Variants in RICTOR observed in about 807,000 individuals in gnomAD.
RICTOR encodes the protein rapamycin-insensitive companion of mTOR.
A neutral mutation model predicts 214.9 loss-of-function variants in RICTOR; 49 were observed. That is an observed-to-expected ratio of 0.23 (90% CI 0.18 to 0.29). The LOEUF (loss-of-function observed/expected upper bound fraction) is 0.29. Among genes scored for constraint, RICTOR ranks in the 10% least tolerant of loss-of-function variants. The pLI is 1.00. For missense variants in RICTOR, 1,625 were observed against 2,047.0 expected (o/e 0.79, Z 3.98); for synonymous variants, 717 against 711.3 (o/e 1.01, Z -0.13).
chr5:38,989,998 T>G (rs567426516), intron 7 of RICTOR, among the ~76,000 whole-genome samples: 1 of 152,082 alleles, frequency 6.6e-6, no homozygotes, highest in Non-Finnish European at 1.5e-5. Context: ...ATCTCATTAC[T>G]GGGTATATTT....
At position 38,962,373 on chromosome 5, in the gene RICTOR, T is replaced by C. The variant is rs999787103; in HGVS notation, c.1669-12A>G. The C allele has an allele frequency of 7.7e-7, 1 of 1,297,032 alleles. No individual in the cohort carries two copies. The highest frequency in any genetic ancestry group is 2.3e-5 in the East Asian group (1 of 42,678). 80.3% of individuals were successfully genotyped at this position (1,297,032 alleles called of 1,614,324 possible). Reference sequence around the variant, plus strand: ...TTTACATTTGGCCACTAGAAAAACATAATATGTTATATTACATATGTACTT... The same window carrying C: ...TTTACATTTGGCCACTAGAAAAACACAATATGTTATATTACATATGTACTT... On this transcript the variant is annotated splice_polypyrimidine_tract_variant and intron_variant, in intron 18 of 37. Coordinates refer to ENST00000357387, the MANE Select transcript of RICTOR (RefSeq NM_152756.5).
intron 2 of RICTOR, among the ~76,000 whole-genome samples, chr5:39,058,099 T>C (rs1561073503): frequency 6.6e-6 from 1 of 152,058 alleles, no homozygotes; most frequent in East Asian, 1.9e-4. Flanking sequence ...CGGTTTAAAT[T>C]TCTCGGAGAC....
At chr5:39,040,519 C>T (rs908548645) in intron 2 of RICTOR, among the ~76,000 whole-genome samples, 3 of 151,042 alleles carry the variant, frequency 2.0e-5, no homozygotes, top group Non-Finnish European at 2.9e-5. Context: ...GCTATAATTA[C>T]TATTTTAATT....
chr5:39,005,598 T>A (rs939065545), intron 3 of RICTOR, among the ~76,000 whole-genome samples: 2 of 152,216 alleles, frequency 1.3e-5, no homozygotes, highest in African/African-American at 4.8e-5. Context: ...ATAGGTTTCA[T>A]CTAATAAACC....
chr5:38,954,536 T>TA (rs1749069844), intron 27 of RICTOR, among the ~76,000 whole-genome samples: 3 of 152,036 alleles, frequency 2.0e-5, no homozygotes, highest in African/African-American at 7.2e-5. Flanking sequence ...CATAACAAGT[T>TA]AGTTATTCAA....
intron 20 of RICTOR, 112 bp downstream of exon 20, chr5:38,960,286 G>A (rs1007311743): frequency 1.4e-5 from 14 of 1,017,030 alleles, no homozygotes; most frequent in Middle Eastern, 2.1e-4. Context: ...TTCCAAATAC[G>A]GCTTATGCAT....
In RICTOR at chr5:38,957,061, C is replaced by T. The variant is rs762344300; in HGVS notation, c.2499+591G>A. 4.6e-5 allele frequency among the ~76,000 whole-genome samples: 7 copies of T among 152,170 alleles called. No homozygotes were observed. In the South Asian group the frequency reaches 6.2e-4, roughly 14 times the overall value. ...TTGACCATGGGTTTCCAAGATGCTT[C>T]GATGACTTATAATACTTCAAACAAA... is the stretch of plus-strand genomic sequence containing the variant. On this transcript the variant is annotated intron_variant, in intron 25 of 37. Transcript: ENST00000357387.
chr5:39,064,067 T>C (rs979618988), intron 2 of RICTOR, among the ~76,000 whole-genome samples: 3 of 152,222 alleles, frequency 2.0e-5, no homozygotes, highest in African/African-American at 7.2e-5. Context: ...AATATACTTA[T>C]ATTTAGGTTC....
chr5:39,039,707 C>T (rs1490508963), intron 2 of RICTOR, among the ~76,000 whole-genome samples: 1 of 152,140 alleles, frequency 6.6e-6, no homozygotes, highest in Non-Finnish European at 1.5e-5. Flanking sequence ...CCAAAAAACA[C>T]ATGAAAAAGT....
intron 2 of RICTOR, among the ~76,000 whole-genome samples, chr5:39,064,641 C>G (rs1758775522): frequency 6.6e-6 from 1 of 152,146 alleles, no homozygotes; most frequent in Non-Finnish European, 1.5e-5. Flanking sequence ...AGCCTGAGAC[C>G]TGGGAGCGGG....
intron 2 of RICTOR, among the ~76,000 whole-genome samples, chr5:39,052,002 C>T (rs1757892655): frequency 6.6e-6 from 1 of 151,482 alleles, no homozygotes; most frequent in Admixed American, 6.6e-5. Flanking sequence ...TTTTCCTGAG[C>T]AGCAGTATGT....
At chr5:38,965,761 C>G (rs968367919) in intron 15 of RICTOR, among the ~76,000 whole-genome samples, 2 of 151,934 alleles carry the variant, frequency 1.3e-5, no homozygotes, top group Non-Finnish European at 2.9e-5. Flanking sequence ...TGCTCTTTAC[C>G]TCACTCACAT....
intron 2 of RICTOR, among the ~76,000 whole-genome samples, chr5:39,038,688 C>G (rs1369049783): frequency 2.6e-5 from 4 of 151,564 alleles, no homozygotes; most frequent in Non-Finnish European, 4.4e-5. Flanking sequence ...AGACAGACAG[C>G]CAAATCATGA....
intron 9 of RICTOR, among the ~76,000 whole-genome samples, chr5:38,976,358 C>CA (rs1751230565): frequency 2.7e-5 from 4 of 150,514 alleles, no homozygotes; most frequent in South Asian, 4.2e-4. Flanking sequence ...TGTGAGCATA[C>CA]AAAAAAATCA....
In RICTOR at chr5:38,942,381, A is replaced by G. The variant is rs1257058468; in HGVS notation, c.5053-3T>C. On this transcript the variant is annotated splice_polypyrimidine_tract_variant and splice_region_variant and intron_variant, in intron 37 of 37. Coordinates refer to ENST00000357387, the MANE Select transcript of RICTOR (RefSeq NM_152756.5). Reference sequence around the variant, plus strand: ...ACAGCCTCTGCTTCTTCATGCATCTAGGGAAAAAATGGTGTATCATCAATT... The same window carrying G: ...ACAGCCTCTGCTTCTTCATGCATCTGGGGAAAAAATGGTGTATCATCAATT... The G allele has an allele frequency of 5.7e-6, 9 of 1,579,200 alleles. No homozygotes were observed. Among genetic ancestry groups the G allele is most frequent in the African/African-American group, 1.3e-5 (1 of 74,616 alleles).
At chr5:38,968,090 A>AAG in intron 11 of RICTOR, 60 bp from the exon 12 acceptor site, 1 of 934,692 alleles carries the variant, frequency 1.1e-6, no homozygotes, top group Non-Finnish European at 1.8e-6. Context: ...AGATTTTTAA[A>AAG]TGTCCTATTC....
intron 16 of RICTOR, among the ~76,000 whole-genome samples, chr5:38,963,595 T>C (rs1378988735): frequency 1.3e-5 from 2 of 151,944 alleles, no homozygotes; most frequent in African/African-American, 2.4e-5. Context: ...GTAGCAAGTC[T>C]CACCTTCAGA....
intron 2 of RICTOR, among the ~76,000 whole-genome samples, chr5:39,070,956 T>C (rs1194906939): frequency 6.6e-6 from 1 of 152,200 alleles, no homozygotes; most frequent in Non-Finnish European, 1.5e-5. Context: ...GAGCAACCAT[T>C]ACCAATACGC....
chr5:38,979,067 C>G (rs1466118858), intron 8 of RICTOR, among the ~76,000 whole-genome samples: 1 of 152,092 alleles, frequency 6.6e-6, no homozygotes, highest in Non-Finnish European at 1.5e-5. Context: ...CTGCACGTTC[C>G]TTTTGTTGCT....
Sources: allele counts gnomAD v4.1 joint callset (sites outside exome capture counted in the v4.1 genomes callset), GRCh38; gene constraint gnomAD v4.1.1; transcripts MANE v1.5; gene names NCBI Gene and HGNC (gene_info 2026-07-23, HGNC 2026-07-21).